Variants in IFT80 observed in about 807,000 individuals in gnomAD.
The protein encoded by IFT80 is intraflagellar transport 80.
Under a neutral mutation model 107.9 loss-of-function variants are expected in IFT80, and 79 were observed. The observed-to-expected ratio is 0.73, with a 90% CI of 0.61 to 0.88. The LOEUF is 0.88. Among genes scored for constraint, IFT80 ranks in the 40% least tolerant of loss-of-function variants. The pLI is 0.00. For missense variants in IFT80, 797 were observed against 914.2 expected (o/e 0.87, Z 1.65); for synonymous variants, 299 against 300.9 (o/e 0.99, Z 0.07).
chr3:160,312,628 T>A (rs1239390733), intron 9 of IFT80, among the ~76,000 whole-genome samples: 2 of 61,922 alleles, frequency 3.2e-5, no homozygotes, highest in Non-Finnish European at 5.8e-5. Context: ...ATAATATATA[T>A]ATATAATAAA....
At position 160,257,317 on chromosome 3, in the gene IFT80, C is replaced by A. The variant is rs1712442973; in HGVS notation, c.*1208G>T. 1 of 151,758 alleles carries A rather than the reference C, an allele frequency of 6.6e-6. No homozygotes were observed. Among genetic ancestry groups the A allele is most frequent in the East Asian group, 1.9e-4 (1 of 5,186 alleles). The allele number at this position is 151,758 out of a possible 1,614,324, so 9.4% of individuals were successfully genotyped here. On this transcript the variant is annotated 3_prime_UTR_variant, in exon 20 of 20. Coordinates refer to ENST00000326448, the MANE Select transcript of IFT80 (RefSeq NM_020800.3). ...TGTGTGTGTGTATATATATATATAT[C>A]ATACATAATCCCATATCTATGCATC... is the stretch of plus-strand genomic sequence containing the variant.
At chr3:160,363,452 T>C (rs773862241) in intron 6 of IFT80, among the ~76,000 whole-genome samples, 2 of 152,150 alleles carry the variant, frequency 1.3e-5, no homozygotes, top group Admixed American at 6.6e-5. Flanking sequence ...AAGTAATTTA[T>C]AGATTCAATG....
At position 160,316,377 on chromosome 3, in the gene IFT80, T is replaced by C. The variant is rs529186613; in HGVS notation, c.957+3383A>G. ...CAGATAAAACTAAAGTCCTGGTCAA[T>C]GCCTTGCTTGCAGCCTTGTGAGACT... On this transcript the variant is annotated intron_variant, in intron 9 of 19. Transcript: ENST00000326448. Among the ~76,000 whole-genome samples the C allele has an allele frequency of 1.2e-4, 18 of 152,308 alleles. No individual in the cohort carries two copies. In the South Asian group the frequency reaches 3.5e-3, roughly 30 times the overall value.
intron 9 of IFT80, among the ~76,000 whole-genome samples, chr3:160,309,210 A>C (rs1229342035): frequency 6.6e-6 from 1 of 152,208 alleles, no homozygotes; most frequent in Non-Finnish European, 1.5e-5. Flanking sequence ...AATAAGCAAA[A>C]CTATAAAATA....
intron 8 of IFT80, among the ~76,000 whole-genome samples, chr3:160,333,844 AAC>A (rs1719263237): frequency 1.3e-5 from 2 of 152,234 alleles, no homozygotes; most frequent in Non-Finnish European, 2.9e-5. Flanking sequence ...ATAAACCAGT[AAC>A]ACAGTCATCT....
intron 19 of IFT80, among the ~76,000 whole-genome samples, chr3:160,262,282 G>T (rs916259780): frequency 6.6e-6 from 1 of 152,176 alleles, no homozygotes; most frequent in Non-Finnish European, 1.5e-5. Context: ...TGTTTTTAGA[G>T]AAGTGAAAAC....
At chr3:160,394,136 G>A (rs1237472448) in intron 1 of IFT80, 1 of 152,264 alleles carries the variant, frequency 6.6e-6, no homozygotes, top group African/African-American at 2.4e-5. Flanking sequence ...GTAGAAAAGA[G>A]AGAGAAGCAG....
intron 12 of IFT80, among the ~76,000 whole-genome samples, chr3:160,293,530 C>A (rs903330814): frequency 6.6e-5 from 10 of 152,178 alleles, no homozygotes; most frequent in Admixed American, 2.6e-4. Flanking sequence ...AGGAATGATC[C>A]TTTTGCCATA....
In IFT80 at chr3:160,320,773, A is replaced by T. The variant is rs189247867; in HGVS notation, c.778-834T>A. ...CGGCTGGATATATATACATATATATATTTTGTTTGTTTGTTTGTTTTACAT... is the reference window on the plus strand; with the variant it reads ...CGGCTGGATATATATACATATATATTTTTTGTTTGTTTGTTTGTTTTACAT... On this transcript the variant is annotated intron_variant, in intron 8 of 19. Coordinates refer to ENST00000326448, the MANE Select transcript of IFT80 (RefSeq NM_020800.3). Among the ~76,000 whole-genome samples, 4 of 151,778 alleles carry T rather than the reference A, an allele frequency of 2.6e-5. No homozygotes were observed. The East Asian group carries it at 7.7e-4, about 29-fold the overall frequency.
At chr3:160,314,688 G>A (rs914441504) in intron 9 of IFT80, among the ~76,000 whole-genome samples, 20 of 152,184 alleles carry the variant, frequency 1.3e-4, no homozygotes, top group Non-Finnish European at 1.9e-4. Flanking sequence ...TAGTCTCACT[G>A]AAATCCTGTG....
chr3:160,304,004 A>C lies in IFT80; in HGVS notation c.1077-15T>G, dbSNP rs773826347. On this transcript the variant is annotated splice_polypyrimidine_tract_variant and intron_variant, in intron 10 of 19. Transcript: ENST00000326448. ...AGTTCTTCGTGCTAAAAGACAAGTA[A>C]AATGGATATTTATTAACATTTAAAA... The C allele has an allele frequency of 1.3e-6, 2 of 1,520,240 alleles. No individual in the cohort carries two copies. The highest frequency in any genetic ancestry group is 2.2e-5 in the South Asian group (2 of 88,974). 94.2% of individuals were successfully genotyped at this position (1,520,240 alleles called of 1,614,324 possible).
chr3:160,369,485 T>C (rs1375007696), intron 5 of IFT80, among the ~76,000 whole-genome samples: 1 of 151,908 alleles, frequency 6.6e-6, no homozygotes. Context: ...TAAAAGGAAA[T>C]AAACTACATA....
chr3:160,310,760 T>C (rs993060890), intron 9 of IFT80, among the ~76,000 whole-genome samples: 6 of 152,196 alleles, frequency 3.9e-5, no homozygotes, highest in African/African-American at 1.4e-4. Context: ...CCTGATGTGA[T>C]GCAACAGGAA....
intron 14 of IFT80, among the ~76,000 whole-genome samples, chr3:160,281,477 G>A (rs1714687768): frequency 6.6e-6 from 1 of 152,166 alleles, no homozygotes; most frequent in South Asian, 2.1e-4. Flanking sequence ...CCTGCCACCA[G>A]CACCAGGAAT....
chr3:160,263,950 C>T (rs537722233), intron 19 of IFT80, among the ~76,000 whole-genome samples: 11 of 152,144 alleles, frequency 7.2e-5, no homozygotes, highest in African/African-American at 2.4e-4. Flanking sequence ...GGATTACAGG[C>T]GTGAGCCACT....
intron 19 of IFT80, among the ~76,000 whole-genome samples, chr3:160,265,597 C>T (rs571462396): frequency 2.0e-5 from 3 of 152,230 alleles, no homozygotes; most frequent in African/African-American, 7.2e-5. Flanking sequence ...TACAATAACT[C>T]TAAATATCAG....
At chr3:160,311,919 T>C (rs1036729550) in intron 9 of IFT80, among the ~76,000 whole-genome samples, 1 of 152,170 alleles carries the variant, frequency 6.6e-6, no homozygotes, top group Admixed American at 6.5e-5. Flanking sequence ...TAGCTGGGAC[T>C]ACAGGCGCCC....
intron 8 of IFT80, among the ~76,000 whole-genome samples, chr3:160,353,986 G>A (rs1331154682): frequency 6.6e-6 from 1 of 152,064 alleles, no homozygotes; most frequent in Non-Finnish European, 1.5e-5. Context: ...ATAAAATTAT[G>A]TTTAAATTGG....
chr3:160,290,414 A>G (rs13061153), intron 12 of IFT80, among the ~76,000 whole-genome samples: 3 of 142,460 alleles, frequency 2.1e-5, no homozygotes, highest in African/African-American at 7.8e-5. Context: ...TCAAAAACAG[A>G]AAAAAAAAAA....
Sources: allele counts gnomAD v4.1 joint callset (sites outside exome capture counted in the v4.1 genomes callset), GRCh38; gene constraint gnomAD v4.1.1; transcripts MANE v1.5; gene names NCBI Gene and HGNC (gene_info 2026-07-23, HGNC 2026-07-21).